Variants in RAB28 observed in about 807,000 individuals in gnomAD.
RAB28 encodes the protein ras-related protein Rab-28.
RAB28 carries 24 observed loss-of-function variants against 31.7 expected under a neutral mutation model. That is an observed-to-expected ratio of 0.76 (90% CI 0.55 to 1.06). RAB28 has a LOEUF of 1.06. Ranked by LOEUF, RAB28 falls within the 50% of genes least tolerant of loss-of-function variation. RAB28 has a pLI of 0.00. For missense variants in RAB28, 254 were observed against 258.5 expected (o/e 0.98, Z 0.12); for synonymous variants, 100 against 90.4 (o/e 1.11, Z -0.60).
At chr4:13,411,563 T>C (rs1712442395) in intron 4 of RAB28, among the ~76,000 whole-genome samples, 1 of 152,204 alleles carries the variant, frequency 6.6e-6, no homozygotes, top group Admixed American at 6.5e-5. Flanking sequence ...CTGAAGGCCA[T>C]AGACACTGAT....
intron 4 of RAB28, among the ~76,000 whole-genome samples, chr4:13,456,029 T>C (rs1414158729): frequency 6.6e-6 from 1 of 152,256 alleles, no homozygotes; most frequent in Non-Finnish European, 1.5e-5. Context: ...TTTTTTTAAT[T>C]TGAAGATGGC....
chr4:13,399,316 TAA>T (rs1377421037), intron 4 of RAB28, among the ~76,000 whole-genome samples: 1 of 152,240 alleles, frequency 6.6e-6, no homozygotes, highest in Non-Finnish European at 1.5e-5. Flanking sequence ...TACCTTTTTA[TAA>T]GTCTACCACA....
intron 4 of RAB28, among the ~76,000 whole-genome samples, chr4:13,459,300 A>G (rs1220162214): frequency 6.6e-6 from 1 of 152,284 alleles, no homozygotes; most frequent in South Asian, 2.1e-4. Flanking sequence ...CAGATGGCCT[A>G]TCGTGGGACT....
chr4:13,417,400 A>G (rs1170544061), intron 4 of RAB28, among the ~76,000 whole-genome samples: 1 of 152,190 alleles, frequency 6.6e-6, no homozygotes, highest in Non-Finnish European at 1.5e-5. Context: ...TTTTCCCAGC[A>G]CAGGGTTTGA....
At chr4:13,425,880 A>C (rs1022187392) in intron 4 of RAB28, among the ~76,000 whole-genome samples, 2 of 150,882 alleles carry the variant, frequency 1.3e-5, no homozygotes, top group Admixed American at 1.3e-4. Flanking sequence ...CATCAATTCT[A>C]AACAATATAC....
intron 2 of RAB28, among the ~76,000 whole-genome samples, chr4:13,475,024 T>C (rs868627018): frequency 6.6e-6 from 1 of 151,656 alleles, no homozygotes; most frequent in Non-Finnish European, 1.5e-5. Flanking sequence ...AGAACAAACG[T>C]AGGATACATA....
At chr4:13,442,373 T>C (rs983732610) in intron 4 of RAB28, among the ~76,000 whole-genome samples, 1 of 151,676 alleles carries the variant, frequency 6.6e-6, no homozygotes, top group Non-Finnish European at 1.5e-5. Context: ...CGTGTCTGCA[T>C]AGCAAAATAA....
At chr4:13,431,779 G>A (rs996233369) in intron 4 of RAB28, among the ~76,000 whole-genome samples, 3 of 151,284 alleles carry the variant, frequency 2.0e-5, no homozygotes, top group Non-Finnish European at 4.4e-5. Flanking sequence ...AGGAAAAAAA[G>A]AATTAAAAAA....
intron 4 of RAB28, among the ~76,000 whole-genome samples, chr4:13,445,504 T>C (rs188879489): frequency 4.6e-5 from 7 of 152,318 alleles, no homozygotes; most frequent in Middle Eastern, 3.4e-3. Context: ...TGGATTTATC[T>C]ACCTTTGCTC....
intron 4 of RAB28, among the ~76,000 whole-genome samples, chr4:13,415,536 A>C (rs148421825): frequency 3.8e-4 from 58 of 152,156 alleles, no homozygotes; most frequent in African/African-American, 1.3e-3. Flanking sequence ...CTTAGCACCC[A>C]GGCCAGTGGC....
intron 4 of RAB28, among the ~76,000 whole-genome samples, chr4:13,392,274 T>C (rs1165898062): frequency 6.6e-6 from 1 of 152,108 alleles, no homozygotes; most frequent in East Asian, 1.9e-4. Flanking sequence ...AACAGGAAGA[T>C]TATGATATTA....
intron 1 of RAB28, among the ~76,000 whole-genome samples, chr4:13,481,028 T>TA (rs1716582573): frequency 1.3e-5 from 2 of 151,984 alleles, no homozygotes. Flanking sequence ...TTGAAATACT[T>TA]AAAGGTCAAA....
At chr4:13,402,647 A>C (rs1249858991) in intron 4 of RAB28, among the ~76,000 whole-genome samples, 1 of 152,114 alleles carries the variant, frequency 6.6e-6, no homozygotes, top group Non-Finnish European at 1.5e-5. Context: ...TATAGACTGT[A>C]TATAGTAGTC....
chr4:13,401,573 T>C (rs74430851), intron 4 of RAB28, among the ~76,000 whole-genome samples: 8,529 of 152,308 alleles, frequency 0.056, 546 homozygotes, highest in African/African-American at 0.16. Flanking sequence ...ATCTAAATTG[T>C]CAATTAACAG....
chr4:13,374,509 T>C (rs915435005), intron 6 of RAB28, among the ~76,000 whole-genome samples: 3 of 152,028 alleles, frequency 2.0e-5, no homozygotes, highest in Admixed American at 6.6e-5. Context: ...AAGGAATCCT[T>C]CCTCAGTGCA....
chr4:13,396,161 T>C (rs771024511), intron 4 of RAB28, among the ~76,000 whole-genome samples: 4 of 152,044 alleles, frequency 2.6e-5, no homozygotes, highest in Non-Finnish European at 5.9e-5. Flanking sequence ...AATGTCACTG[T>C]CTAACTTAAA....
chr4:13,392,146 G>A (rs1035638246), intron 4 of RAB28, among the ~76,000 whole-genome samples: 1 of 152,138 alleles, frequency 6.6e-6, no homozygotes, highest in Non-Finnish European at 1.5e-5. Flanking sequence ...TGGCCCTGCT[G>A]ATTCTAGTGG....
chr4:13,381,717 T>C (rs904000909), intron 4 of RAB28, 123 bp from the exon 5 acceptor site: 5 of 624,820 alleles, frequency 8.0e-6, no homozygotes, highest in African/African-American at 5.6e-5. Flanking sequence ...CTGTGCAACC[T>C]TGGACAATTT....
Position 13,484,220 on chromosome 4 carries a change from G to C in RAB28, c.-70C>G. 9 of 1,287,298 alleles carry C rather than the reference G, an allele frequency of 7.0e-6. No individual in the cohort carries two copies. Among genetic ancestry groups the C allele is most frequent in the Middle Eastern group, 1.9e-4 (1 of 5,336 alleles). The allele number at this position is 1,287,298 out of a possible 1,614,324, so 79.7% of individuals were successfully genotyped here. ...GGAAGGATGAAGGCTCCGGGGGCGGGGGAGAGGAGGAAGGGAGGTAGTTGC... is the reference window on the plus strand; with the variant it reads ...GGAAGGATGAAGGCTCCGGGGGCGGCGGAGAGGAGGAAGGGAGGTAGTTGC... On this transcript the variant is annotated 5_prime_UTR_variant, in exon 1 of 7. Coordinates refer to ENST00000330852, the MANE Select transcript of RAB28 (RefSeq NM_001017979.3).
Sources: gnomAD v4.1 joint callset for allele counts (sites outside exome capture counted in the v4.1 genomes callset) on GRCh38, gnomAD v4.1.1 for gene constraint, MANE v1.5 for transcripts, NCBI Gene and HGNC (gene_info 2026-07-23, HGNC 2026-07-21) for gene names.